The following RELB variants were observed in gnomAD, a reference collection of about 807,000 sequenced individuals.
RELB encodes the protein transcription factor RelB.
Under a neutral mutation model 55.4 loss-of-function variants are expected in RELB, and 14 were observed. That is an observed-to-expected ratio of 0.25 (90% CI 0.17 to 0.40). RELB has a LOEUF of 0.40. RELB is among the 10% of genes least tolerant of loss of function. The pLI, the probability that RELB is intolerant of heterozygous loss-of-function variation, is 1.00. For missense variants in RELB, 669 were observed against 830.7 expected (o/e 0.81, Z 2.39); for synonymous variants, 409 against 371.3 (o/e 1.10, Z -1.17).
intron 5 of RELB, among the ~76,000 whole-genome samples, chr19:45,023,883 T>G (rs561760411): frequency 6.6e-6 from 1 of 150,670 alleles, no homozygotes; most frequent in Non-Finnish European, 1.5e-5. Context: ...CCCAGGTAGC[T>G]GGGATTACAG....
intron 4 of RELB, among the ~76,000 whole-genome samples, chr19:45,020,553 CTTTTTT>C (rs34030158): frequency 4.6e-5 from 4 of 86,554 alleles, no homozygotes; most frequent in Admixed American, 1.5e-4. Context: ...TGGCACCCAT[CTTTTTT>C]TTTTTTTTTT....
chr19:45,015,030 G>A (rs1413343536), intron 4 of RELB, among the ~76,000 whole-genome samples: 1 of 151,632 alleles, frequency 6.6e-6, no homozygotes, highest in African/African-American at 2.4e-5. Flanking sequence ...AGCCTCCCAA[G>A]TAGCTGGGAT....
At chr19:45,011,202 G>A (rs560499602) in intron 3 of RELB, among the ~76,000 whole-genome samples, 1 of 151,180 alleles carries the variant, frequency 6.6e-6, no homozygotes, top group Admixed American at 6.6e-5. Context: ...TTGCTCTGTT[G>A]CGCAGGATGG....
chr19:45,002,925 T>A, intron 1 of RELB, 24 bp from the exon 2 acceptor site: 1 of 1,611,494 alleles, frequency 6.2e-7, no homozygotes, highest in Middle Eastern at 1.7e-4. Context: ...CATCACCTCC[T>A]GAGACGTTTC....
intron 8 of RELB, 68 bp downstream of exon 8, chr19:45,029,060 C>A: frequency 9.2e-7 from 1 of 1,082,808 alleles, no homozygotes; most frequent in Non-Finnish European, 1.4e-6. Flanking sequence ...AGCCAGGGAG[C>A]CCGGGAAGAT....
chr19:45,012,832 C>G (rs1309571608), intron 4 of RELB, among the ~76,000 whole-genome samples: 1 of 151,704 alleles, frequency 6.6e-6, no homozygotes, highest in Non-Finnish European at 1.5e-5. Context: ...GCGGATCACT[C>G]GAGCTCAGGA....
intron 4 of RELB, among the ~76,000 whole-genome samples, chr19:45,014,700 G>A (rs2052220632): frequency 6.6e-6 from 1 of 150,440 alleles, no homozygotes; most frequent in African/African-American, 2.4e-5. Flanking sequence ...TGTACTTTTA[G>A]TAGAGATGGG....
At position 45,032,422 on chromosome 19, in the gene RELB, A is replaced by G. The variant is rs996888595; in HGVS notation, c.992-112A>G. The G allele has an allele frequency of 3.3e-6, 3 of 918,108 alleles. No individual in the cohort carries two copies. In the African/African-American group the frequency reaches 5.0e-5, roughly 15 times the overall value. The allele number at this position is 918,108 out of a possible 1,614,324, so 56.9% of individuals were successfully genotyped here. ...CAACAGAGCAAGACTCTCAAAAAAA[A>G]AAAATTTTAAAAAGGGGGAATATTA... On this transcript the variant is annotated intron_variant, in intron 8 of 11. Transcript: ENST00000221452.
intron 2 of RELB, chr19:45,008,630 G>A: frequency 2.3e-6 from 1 of 433,400 alleles, no homozygotes; most frequent in Admixed American, 2.5e-5. Context: ...TGAGATAAGG[G>A]GTGCAGGAAA....
At chr19:45,016,892 A>C (rs1971426070) in intron 4 of RELB, among the ~76,000 whole-genome samples, 1 of 152,034 alleles carries the variant, frequency 6.6e-6, no homozygotes, top group South Asian at 2.1e-4. Flanking sequence ...CTCAGCAACA[A>C]TAGAGCAAGT....
chr19:45,001,716 C>A, intron 1 of RELB, 31 bp downstream of exon 1: 1 of 1,369,050 alleles, frequency 7.3e-7, no homozygotes, highest in Non-Finnish European at 9.8e-7. Flanking sequence ...GGAGAGGGGT[C>A]TGGGGCGGGG....
At position 45,010,386 on chromosome 19, in the gene RELB, C is replaced by A. The variant is rs975974804; in HGVS notation, c.163+564C>A. Reference sequence around the variant, plus strand: ...GAGTACAGACAGACACTGTTTTAGGCCCTGGGGATTTAGCCATGAACAAAA... The same window carrying A: ...GAGTACAGACAGACACTGTTTTAGGACCTGGGGATTTAGCCATGAACAAAA... On this transcript the variant is annotated intron_variant, in intron 3 of 11. Coordinates refer to ENST00000221452, the MANE Select transcript of RELB (RefSeq NM_006509.4). 5.7e-5 allele frequency among the ~76,000 whole-genome samples: 8 copies of A among 140,612 alleles called. No individual in the cohort carries two copies. The South Asian group carries it at 6.9e-4, about 12-fold the overall frequency. The allele number at this position is 140,612 out of a possible 152,430, so 92.2% of individuals were successfully genotyped here. A position where few individuals can be genotyped will look rare whatever the true frequency, so the allele number is the denominator to read the frequency against.
chr19:45,003,550 G>T (rs1339698104), intron 2 of RELB: 1 of 514,966 alleles, frequency 1.9e-6, no homozygotes, highest in Admixed American at 2.0e-5. Flanking sequence ...CTTCTTTAGA[G>T]ATTCACTGTG....
In RELB at chr19:45,022,264, G is replaced by T; in HGVS notation, c.662+54G>T. ...ATCCTTGATCATGGAGATTCTAAGC[G>T]ACTGGAGGCCACCCATGAAACTTTA... On this transcript the variant is annotated intron_variant, in intron 5 of 11. Transcript: ENST00000221452. The T allele has an allele frequency of 2.0e-6, 3 of 1,495,742 alleles. No homozygotes were observed. The South Asian group carries it at 3.8e-5, about 19-fold the overall frequency. 92.7% of individuals were successfully genotyped at this position (1,495,742 alleles called of 1,614,324 possible). A position where few individuals can be genotyped will look rare whatever the true frequency, so the allele number is the denominator to read the frequency against.
chr19:45,028,556 A>T (rs1324841267), intron 7 of RELB, among the ~76,000 whole-genome samples: 2 of 150,492 alleles, frequency 1.3e-5, no homozygotes, highest in South Asian at 4.2e-4. Flanking sequence ...CTGGTCTCAA[A>T]CTCCTGACCT....
chr19:45,015,292 C>G (rs982449073), intron 4 of RELB, among the ~76,000 whole-genome samples: 1 of 152,194 alleles, frequency 6.6e-6, no homozygotes, highest in Admixed American at 6.5e-5. Context: ...AGCAAGTTTA[C>G]TATTGTAATT....
chr19:45,030,733 G>A (rs1971610847), intron 8 of RELB, among the ~76,000 whole-genome samples: 1 of 152,184 alleles, frequency 6.6e-6, no homozygotes, highest in Non-Finnish European at 1.5e-5. Context: ...GGAGTTGGAG[G>A]TTACAGTGAG....
chr19:45,011,513 G>A (rs1316262057), intron 3 of RELB, among the ~76,000 whole-genome samples: 1 of 151,958 alleles, frequency 6.6e-6, no homozygotes, highest in African/African-American at 2.4e-5. Context: ...CTGGCGTGCA[G>A]TGTCACGATC....
chr19:45,020,052 G>A (rs1205522926), intron 4 of RELB, among the ~76,000 whole-genome samples: 2 of 149,288 alleles, frequency 1.3e-5, no homozygotes, highest in Admixed American at 6.7e-5. Context: ...GCCACTGTGC[G>A]CAGCCCTTCT....
Sources: allele counts gnomAD v4.1 joint callset (sites outside exome capture counted in the v4.1 genomes callset), GRCh38; gene constraint gnomAD v4.1.1; transcripts MANE v1.5; gene names NCBI Gene and HGNC (gene_info 2026-07-23, HGNC 2026-07-21).